The following NBPF19 variants were observed in gnomAD, a reference collection of about 807,000 sequenced individuals.
NBPF19 encodes NBPF member 19.
In NBPF19, 30 loss-of-function variants were observed where a neutral mutation model predicts 45.9. The ratio of observed to expected loss-of-function variants is 0.65; its 90% CI spans 0.49 to 0.89. The LOEUF (loss-of-function observed/expected upper bound fraction) is 0.89, where lower values mean the gene tolerates loss of function less well. Among genes scored for constraint, NBPF19 ranks in the 40% least tolerant of loss-of-function variants. The pLI is 0.00. For synonymous variants in NBPF19, 183 were observed against 181.2 expected (o/e 1.01, Z -0.08); for missense variants, 495 against 471.8 (o/e 1.05, Z -0.46).
intron 10 of NBPF19, 108 bp downstream of exon 10, chr1:149,488,293 G>A: frequency 3.5e-6 from 2 of 577,234 alleles, no homozygotes; most frequent in Non-Finnish European, 3.0e-6. Context: ...ATTGCCACAG[G>A]GAGGACCTAT....
chr1:149,486,465 G>A (rs1412156827), intron 8 of NBPF19, among the ~76,000 whole-genome samples, 172 bp downstream of exon 8: 4 of 149,994 alleles, frequency 2.7e-5, no homozygotes, highest in African/African-American at 9.8e-5. Flanking sequence ...GCACAGGCAT[G>A]GGGTGGGTCA....
chr1:149,555,638 AAAGAT>A lies in NBPF19; in HGVS notation c.*903_*907del, dbSNP rs1217957103. 6.7e-6 allele frequency: 1 copy of A among 149,774 alleles called. No homozygotes were observed. Among genetic ancestry groups the A allele is most frequent in the Non-Finnish European group, 1.5e-5 (1 of 67,060 alleles). The allele number at this position is 149,774 out of a possible 1,614,324, so 9.3% of individuals were successfully genotyped here. On this transcript the variant is annotated 3_prime_UTR_variant, in exon 94 of 94. Transcript: ENST00000651566. The stretch of plus-strand genomic sequence containing the variant: ...TATATTTTGGGTTCAAAAAAAGTAA[AAAGAT>A]AATGTAGCTGCATTTCTTTAGTTAT...
chr1:149,487,285 G>T (rs1417927495), intron 8 of NBPF19, 47 bp from the exon 9 acceptor site: 3 of 1,392,910 alleles, frequency 2.2e-6, no homozygotes, highest in Non-Finnish European at 3.0e-6. Context: ...GTTTCTGTGT[G>T]CAAGGAAGAA....
intron 8 of NBPF19, among the ~76,000 whole-genome samples, chr1:149,486,741 T>C (rs1195266132): frequency 5.9e-5 from 9 of 151,356 alleles, no homozygotes; most frequent in Admixed American, 5.9e-4. Flanking sequence ...CAGTGAAAGA[T>C]GTGACCCAGG....
intron 16 of NBPF19, 109 bp from the exon 17 acceptor site, chr1:149,493,551 A>C: frequency 1.1e-5 from 1 of 89,158 alleles, no homozygotes; most frequent in Middle Eastern, 3.2e-3. Context: ...ACAGTGTCCT[A>C]TTCTCATGCT....
Position 149,519,851 on chromosome 1 carries a change from G to C in NBPF19, c.6046G>C (p.Asp2016His). 1 of 47,960 alleles carries C rather than the reference G, an allele frequency of 2.1e-5. No homozygotes were observed. Among genetic ancestry groups the C allele is most frequent in the Non-Finnish European group, 3.3e-5 (1 of 30,286 alleles). The allele number at this position is 47,960 out of a possible 1,614,324, so 3.0% of individuals were successfully genotyped here. ...GGAAAAACATGTTGGCTTTTCTCTT[G>C]ACGTGGGAGGTGAGTACCTTTCTAT... ...LEEKHVGFSL[D>H]VGEIEKKGKG... Residue 2016 changes from aspartate to histidine, a missense_variant, in exon 50 of 94, where the codon GAC becomes CAC. Physicochemically the swap from Asp to His is moderately conservative, Grantham distance 81 (BLOSUM62 -1). Transcript: ENST00000651566.
In NBPF19 at chr1:149,556,084, G is replaced by A. The variant is rs1468795051; in HGVS notation, c.*1346G>A. The A allele has an allele frequency of 3.4e-5, 5 of 147,290 alleles. No homozygotes were observed. Among genetic ancestry groups the A allele is most frequent in the Admixed American group, 2.7e-4 (4 of 14,582 alleles). 9.1% of individuals were successfully genotyped at this position (147,290 alleles called of 1,614,324 possible). On this transcript the variant is annotated 3_prime_UTR_variant, in exon 94 of 94. Transcript: ENST00000651566. ...TCATTTATTAATCCTCCCTGCCTGT[G>A]TCTATTATTATATTCATATCTCTAC...
In NBPF19 at chr1:149,554,267, CTCTCTG is replaced by C. The variant is rs1394085114; in HGVS notation, c.11289-210_11289-205del. On this transcript the variant is annotated intron_variant, in intron 93 of 93. Transcript: ENST00000651566. ...CCTGGCCAATTCACTAGGTCACTTTCTCTCTGTCTCTGTCTCTGTCTCTCTCTCTCT... is the reference window on the plus strand; with the variant it reads ...CCTGGCCAATTCACTAGGTCACTTTCTCTCTGTCTCTGTCTCTCTCTCTCT... 5.0e-4 allele frequency among the ~76,000 whole-genome samples: 76 copies of C among 151,780 alleles called. No individual in the cohort carries two copies. In the East Asian group the frequency reaches 7.1e-3, roughly 14 times the overall value.
chr1:149,490,950 C>G lies in NBPF19; in HGVS notation c.1491-189C>G, dbSNP rs1265325422. Among the ~76,000 whole-genome samples the G allele has an allele frequency of 1.5e-5, 2 of 133,490 alleles. 1 individual carries two copies. Among genetic ancestry groups the G allele is most frequent in the African/African-American group, 6.0e-5 (2 of 33,344 alleles). 87.6% of individuals were successfully genotyped at this position (133,490 alleles called of 152,430 possible). On this transcript the variant is annotated intron_variant, in intron 13 of 93. Transcript: ENST00000651566. ...TGTGTGTGTGTGTGTGTGTGTCCAT[C>G]TGTCTCTTTCATTCTTTTCCATTTG...
intron 3 of NBPF19, among the ~76,000 whole-genome samples, chr1:149,478,423 C>T (rs1467943523): frequency 6.6e-6 from 1 of 151,288 alleles, no homozygotes; most frequent in Non-Finnish European, 1.5e-5. Context: ...CATTCTTTCA[C>T]TCAATCAATG....
At chr1:149,476,975 TAAA>T (rs1190128575) in intron 2 of NBPF19, among the ~76,000 whole-genome samples, 1 of 150,662 alleles carries the variant, frequency 6.6e-6, no homozygotes, top group Non-Finnish European at 1.5e-5. Flanking sequence ...AAAATAAAAA[TAAA>T]AAGCAGAGAG....
chr1:149,487,919 C>G, intron 9 of NBPF19, 94 bp from the exon 10 acceptor site: 1 of 726,824 alleles, frequency 1.4e-6, no homozygotes, highest in Non-Finnish European at 2.5e-6. Context: ...TTTTTCTTTT[C>G]AAACTCTTCC....
rs2085724305 is a variant in NBPF19 at position 149,488,099 on chromosome 1, T to C, written c.1127T>C (p.Leu376Pro). 1.5e-6 allele frequency: 1 copy of C among 664,702 alleles called. No individual in the cohort carries two copies. The highest frequency in any genetic ancestry group is 2.7e-6 in the Non-Finnish European group (1 of 365,626). The allele number at this position is 664,702 out of a possible 1,614,324, so 41.2% of individuals were successfully genotyped here. A position where few individuals can be genotyped will look rare whatever the true frequency, so the allele number is the denominator to read the frequency against. ...DRCYSTPSGC[L>P]ELTDSCQPYR... Reference sequence around the variant, plus strand: ...TGTTATTCAACTCCTTCAGGTTGTCTTGAACTGACTGACTCATGCCAGCCC... The same window carrying C: ...TGTTATTCAACTCCTTCAGGTTGTCCTGAACTGACTGACTCATGCCAGCCC... The change falls in exon 10 of 94, where the codon CTT (leucine) becomes CCT (proline). Residue 376 changes from leucine (L) to proline (P), a missense_variant. Leu to Pro is a moderately conservative substitution (Grantham distance 98, BLOSUM62 -3). Around this residue, in one of 8 missense-constraint regions of NBPF19, gnomAD observed 146 missense variants for 67.3 expected, o/e 2.17. Transcript: ENST00000651566.
At position 149,554,951 on chromosome 1, in the gene NBPF19, G is replaced by T. The variant is rs2087211842; in HGVS notation, c.*213G>T. 2 of 819,634 alleles carry T rather than the reference G, an allele frequency of 2.4e-6. No individual in the cohort carries two copies. Among genetic ancestry groups the T allele is most frequent in the African/African-American group, 1.7e-5 (1 of 58,370 alleles). The allele number at this position is 819,634 out of a possible 1,614,324, so 50.8% of individuals were successfully genotyped here. A position where few individuals can be genotyped will look rare whatever the true frequency, so the allele number is the denominator to read the frequency against. ...TTAGGTGTGACACGTTCACATAACTGTGCAGCACATGCCGGGAGTGATCAG... is the reference window on the plus strand; with the variant it reads ...TTAGGTGTGACACGTTCACATAACTTTGCAGCACATGCCGGGAGTGATCAG... On this transcript the variant is annotated 3_prime_UTR_variant, in exon 94 of 94. Transcript: ENST00000651566.
chr1:149,538,441 G>C (rs1411066149), intron 73 of NBPF19, among the ~76,000 whole-genome samples: 4 of 34,300 alleles, frequency 1.2e-4, no homozygotes, highest in African/African-American at 3.2e-4. Context: ...CTCTCTGTGT[G>C]TGTGTGTGTG....
chr1:149,479,545 C>G (rs2085046107), intron 4 of NBPF19, among the ~76,000 whole-genome samples: 1 of 148,564 alleles, frequency 6.7e-6, no homozygotes, highest in East Asian at 2.0e-4. Flanking sequence ...CTGAAGCATC[C>G]AAATATGGGA....
rs1296855991 is a variant in NBPF19 at position 149,477,946 on chromosome 1, G to A, written c.177G>A (p.Lys59=). The part of the protein sequence containing the change: ...GFLANRQKKY[K]YEECKDLIKF... ...GCAGGCGTGTCTGTCTTTTCTCAGAGTATGAAGAGTGTAAAGACCTCATAA... is the reference window on the plus strand; with the variant it reads ...GCAGGCGTGTCTGTCTTTTCTCAGAATATGAAGAGTGTAAAGACCTCATAA... The change falls in exon 3 of 94, where the codon AAG becomes AAA. Residue 59 remains lysine (K), a splice_region_variant and synonymous_variant. Transcript: ENST00000651566. 10 of 1,324,806 alleles carry A rather than the reference G, an allele frequency of 7.5e-6. No homozygotes were observed. The highest frequency in any genetic ancestry group is 8.6e-6 in the Non-Finnish European group (8 of 932,286). 82.1% of individuals were successfully genotyped at this position (1,324,806 alleles called of 1,614,324 possible).
At chr1:149,490,671 C>T (rs2085804168) in intron 13 of NBPF19, among the ~76,000 whole-genome samples, 177 bp downstream of exon 13, 1 of 40,420 alleles carries the variant, frequency 2.5e-5, no homozygotes, top group African/African-American at 1.1e-4. Context: ...ATTTCTTCCT[C>T]CCCTTATCAT....
chr1:149,487,349 G>T lies in NBPF19; in HGVS notation c.1006G>T (p.Val336Leu). The change falls in exon 9 of 94, where the codon GTG (valine) becomes TTG (leucine). Residue 336 changes from valine to leucine, a missense_variant. Around this residue, in one of 8 missense-constraint regions of NBPF19, gnomAD observed 146 missense variants for 67.3 expected, o/e 2.17. Transcript: ENST00000651566. ...ATTTGCAGGACATCGCTGGGATCAA[G>T]TGAAAAAGGAGGACCAAGAGGCAAC... is the stretch of plus-strand genomic sequence containing the variant. Reference protein sequence around the residue: ...VDIGRHRWDQVKKEDQEATGP... With the variant: ...VDIGRHRWDQLKKEDQEATGP... The T allele has an allele frequency of 6.4e-7, 1 of 1,565,972 alleles. No individual in the cohort carries two copies. The highest frequency in any genetic ancestry group is 8.7e-7 in the Non-Finnish European group (1 of 1,149,486).
Sources: allele counts gnomAD v4.1 joint callset (sites outside exome capture counted in the v4.1 genomes callset), GRCh38; gene constraint gnomAD v4.1.1; regional missense constraint gnomAD v4.1.1; transcripts MANE v1.5; gene names NCBI Gene and HGNC (gene_info 2026-07-23, HGNC 2026-07-21).